ROBO1: variants seen among roughly 807,000 people sequenced by gnomAD.
ROBO1 encodes roundabout homolog 1.
In ROBO1, 149 loss-of-function variants were observed where a neutral mutation model predicts 195.9. The observed-to-expected ratio is 0.76, with a 90% confidence interval of 0.67 to 0.87. The LOEUF (loss-of-function observed/expected upper bound fraction) is 0.87, where lower values mean the gene tolerates loss of function less well. Among genes scored for constraint, ROBO1 ranks in the 40% least tolerant of loss-of-function variants. ROBO1 has a pLI of 0.00. For missense variants in ROBO1, 1,933 were observed against 2,068.3 expected (o/e 0.93, Z 1.27); for synonymous variants, 816 against 733.2 (o/e 1.11, Z -1.82).
At chr3:79,344,192 T>C (rs2035019929) in intron 2 of ROBO1, among the ~76,000 whole-genome samples, 2 of 152,100 alleles carry the variant, frequency 1.3e-5, no homozygotes. Context: ...TTACTTCAGG[T>C]GAAGATGGAA....
intron 4 of ROBO1, among the ~76,000 whole-genome samples, chr3:78,908,218 G>T (rs950194254): frequency 6.6e-6 from 1 of 151,714 alleles, no homozygotes; most frequent in African/African-American, 2.4e-5. Flanking sequence ...ATCCTGCAAC[G>T]ATTCCCAGAC....
At chr3:79,541,829 GTATA>G (rs59303805) in intron 2 of ROBO1, among the ~76,000 whole-genome samples, 1,837 of 57,936 alleles carry the variant, frequency 0.032, 29 homozygotes, top group African/African-American at 0.1. Context: ...GTGTGTGTGT[GTATA>G]TATATATATA....
chr3:78,717,700 T>G, intron 6 of ROBO1, 63 bp downstream of exon 6: 5 of 1,564,388 alleles, frequency 3.2e-6, no homozygotes, highest in Non-Finnish European at 4.3e-6. Flanking sequence ...CCCCCTTGTA[T>G]ACAGACACAA....
At chr3:78,902,531 A>G (rs1367249985) in intron 4 of ROBO1, among the ~76,000 whole-genome samples, 3 of 152,102 alleles carry the variant, frequency 2.0e-5, no homozygotes, top group Non-Finnish European at 2.9e-5. Flanking sequence ...TTTCTTAAGA[A>G]GGCATATTAA....
intron 4 of ROBO1, among the ~76,000 whole-genome samples, chr3:78,842,568 G>A (rs2033334518): frequency 8.2e-6 from 1 of 122,302 alleles, no homozygotes; most frequent in African/African-American, 3.1e-5. Context: ...ATATATATGA[G>A]CCATTTATAT....
At position 79,623,360 on chromosome 3, in the gene ROBO1, CAGA is replaced by C. The variant is rs777210976; in HGVS notation, c.-50-33402_-50-33400del. Among the ~76,000 whole-genome samples the C allele has an allele frequency of 8.1e-4, 124 of 152,294 alleles. 2 individuals carry two copies. The highest frequency in any genetic ancestry group is 9.3e-4 in the Non-Finnish European group (63 of 68,020). On this transcript the variant is annotated intron_variant, in intron 1 of 30. Transcript: ENST00000464233. ...ATGGAGGATCAGATGGATGATTTGA[CAGA>C]AGTAGGCTTCAGAAGATAGGCAATA... is the stretch of plus-strand genomic sequence containing the variant.
At chr3:79,610,286 A>G (rs1944617242) in intron 1 of ROBO1, among the ~76,000 whole-genome samples, 1 of 151,868 alleles carries the variant, frequency 6.6e-6, no homozygotes, top group African/African-American at 2.4e-5. Flanking sequence ...TAAAGTAGGT[A>G]CAATATGATA....
intron 4 of ROBO1, among the ~76,000 whole-genome samples, chr3:78,898,412 G>C (rs2037381697): frequency 7.3e-6 from 1 of 136,846 alleles, no homozygotes; most frequent in Admixed American, 7.6e-5. Flanking sequence ...TTTTGAGACG[G>C]AGTCTTGCTC....
intron 2 of ROBO1, among the ~76,000 whole-genome samples, chr3:79,300,890 C>T (rs1041524828): frequency 6.6e-6 from 1 of 152,090 alleles, no homozygotes; most frequent in East Asian, 1.9e-4. Context: ...TCTAGCTAAT[C>T]TGTTGGGGAG....
intron 2 of ROBO1, among the ~76,000 whole-genome samples, chr3:79,151,983 C>G (rs1176187870): frequency 6.6e-6 from 1 of 151,674 alleles, no homozygotes; most frequent in East Asian, 1.9e-4. Flanking sequence ...TTTAATCTAG[C>G]ACATTTCAAA....
At chr3:79,542,301 C>T (rs1488085339) in intron 2 of ROBO1, among the ~76,000 whole-genome samples, 1 of 152,042 alleles carries the variant, frequency 6.6e-6, no homozygotes, top group Admixed American at 6.6e-5. Context: ...TTAAAGTACA[C>T]ATGAACTTCA....
intron 2 of ROBO1, among the ~76,000 whole-genome samples, chr3:79,406,663 C>T (rs1431343232): frequency 6.6e-6 from 1 of 151,828 alleles, no homozygotes; most frequent in Non-Finnish European, 1.5e-5. Flanking sequence ...GTGTTTCAGC[C>T]ACTGAAAGTT....
chr3:79,223,786 T>A (rs980931596), intron 2 of ROBO1, among the ~76,000 whole-genome samples: 2 of 152,200 alleles, frequency 1.3e-5, no homozygotes, highest in Non-Finnish European at 2.9e-5. Context: ...CACTCTGTTT[T>A]GACATCGCTG....
chr3:79,383,695 T>C (rs1444434378), intron 2 of ROBO1, among the ~76,000 whole-genome samples: 2 of 152,102 alleles, frequency 1.3e-5, no homozygotes, highest in Non-Finnish European at 2.9e-5. Flanking sequence ...ACAGTTTCCA[T>C]ATCCCTTGCA....
intron 2 of ROBO1, among the ~76,000 whole-genome samples, chr3:79,580,774 T>C (rs1943634929): frequency 6.6e-6 from 1 of 152,138 alleles, no homozygotes; most frequent in South Asian, 2.1e-4. Flanking sequence ...CCTTCAAAAT[T>C]TGTAGTGGAC....
chr3:79,633,294 C>T (rs1324752978), intron 1 of ROBO1, among the ~76,000 whole-genome samples: 2 of 151,066 alleles, frequency 1.3e-5, no homozygotes, highest in Non-Finnish European at 2.9e-5. Context: ...CCACATTTAC[C>T]TCCCGAATAA....
At chr3:78,804,936 T>G (rs1357454957) in intron 4 of ROBO1, among the ~76,000 whole-genome samples, 1 of 152,126 alleles carries the variant, frequency 6.6e-6, no homozygotes, top group East Asian at 1.9e-4. Flanking sequence ...TTGTAAAAGC[T>G]CCTTGAAGGT....
chr3:79,553,576 C>G (rs899541285), intron 2 of ROBO1, among the ~76,000 whole-genome samples: 3 of 151,948 alleles, frequency 2.0e-5, no homozygotes, highest in African/African-American at 7.2e-5. Flanking sequence ...ACATTATGTA[C>G]AGATAGGTAT....
At chr3:79,399,291 T>A (rs932346552) in intron 2 of ROBO1, among the ~76,000 whole-genome samples, 5 of 152,214 alleles carry the variant, frequency 3.3e-5, no homozygotes, top group Middle Eastern at 3.4e-3. Context: ...TCCCATTCCA[T>A]CCAGATTAAA....
Sources: allele counts gnomAD v4.1 joint callset (sites outside exome capture counted in the v4.1 genomes callset), GRCh38; gene constraint gnomAD v4.1.1; transcripts MANE v1.5; gene names NCBI Gene and HGNC (gene_info 2026-07-23, HGNC 2026-07-21).